Variants in ELOVL6 observed in about 807,000 individuals in gnomAD.
The protein encoded by ELOVL6 is ELOVL fatty acid elongase 6, also known as very long chain fatty acid elongase 6.
Under a neutral mutation model 31.7 loss-of-function variants are expected in ELOVL6, and 8 were observed. The ratio of observed to expected loss-of-function variants is 0.25; its 90% CI spans 0.15 to 0.45. The LOEUF (loss-of-function observed/expected upper bound fraction) is 0.45. ELOVL6 is among the 20% of genes least tolerant of loss of function. The pLI, the probability that ELOVL6 is intolerant of heterozygous loss-of-function variation, is 1.00. For synonymous variants in ELOVL6, 101 were observed against 117.7 expected (o/e 0.86, Z 0.92); for missense variants, 126 against 326.4 (o/e 0.39, Z 4.73).
Position 110,053,961 on chromosome 4 carries a change from A to T in ELOVL6, c.374-2199T>A, listed in dbSNP as rs1259268641. ...CTCAAAAAAAAAAAATTAGCTGGGCATTGTGGCAGGCACCTGTAATCCCAG... is the reference window on the plus strand; with the variant it reads ...CTCAAAAAAAAAAAATTAGCTGGGCTTTGTGGCAGGCACCTGTAATCCCAG... On this transcript the variant is annotated intron_variant, in intron 3 of 3. Transcript: ENST00000302274. Among the ~76,000 whole-genome samples, 6 of 151,328 alleles carry T rather than the reference A, an allele frequency of 4.0e-5. No individual in the cohort carries two copies. The East Asian group carries it at 1.2e-3, about 29-fold the overall frequency.
intron 1 of ELOVL6, among the ~76,000 whole-genome samples, chr4:110,111,031 C>A (rs1166132700): frequency 6.6e-6 from 1 of 152,064 alleles, no homozygotes; most frequent in Non-Finnish European, 1.5e-5. Flanking sequence ...TTTTTCTATC[C>A]TTGAAGTAGG....
At chr4:110,185,958 G>A (rs140189185) in intron 1 of ELOVL6, among the ~76,000 whole-genome samples, 506 of 152,220 alleles carry the variant, frequency 3.3e-3, no homozygotes, top group African/African-American at 0.011. Context: ...TTGGGAGGCC[G>A]AGGTGGGCGG....
intron 1 of ELOVL6, chr4:110,197,942 C>T: frequency 2.2e-6 from 1 of 446,516 alleles, no homozygotes; most frequent in South Asian, 2.5e-5. Flanking sequence ...ACTGTGGCAT[C>T]TCTCCCGCCT....
intron 1 of ELOVL6, among the ~76,000 whole-genome samples, chr4:110,171,909 C>T (rs923658236): frequency 5.3e-5 from 8 of 151,886 alleles, no homozygotes; most frequent in Admixed American, 4.6e-4. Flanking sequence ...AGGCTGGTCT[C>T]GAATTTCTGG....
intron 1 of ELOVL6, among the ~76,000 whole-genome samples, chr4:110,195,662 G>A (rs1759752054): frequency 6.6e-6 from 1 of 152,156 alleles, no homozygotes; most frequent in Non-Finnish European, 1.5e-5. Flanking sequence ...GAGAGCAGAA[G>A]CCAGGAAGGG....
chr4:110,163,982 T>C (rs924680947), intron 1 of ELOVL6, among the ~76,000 whole-genome samples: 27 of 152,290 alleles, frequency 1.8e-4, no homozygotes, highest in Admixed American at 5.2e-4. Context: ...GAATGTGTAA[T>C]GAGAAGTTCA....
At chr4:110,102,953 G>T (rs1031085324) in intron 2 of ELOVL6, among the ~76,000 whole-genome samples, 4 of 151,580 alleles carry the variant, frequency 2.6e-5, no homozygotes, top group Admixed American at 2.6e-4. Flanking sequence ...GGGTGGGGAG[G>T]GGCGGTAATC....
intron 1 of ELOVL6, among the ~76,000 whole-genome samples, chr4:110,124,720 AAAAG>A (rs1437225397): frequency 6.6e-6 from 1 of 152,192 alleles, no homozygotes; most frequent in Non-Finnish European, 1.5e-5. Context: ...AAAAAAAAAA[AAAAG>A]AATGTGTTTA....
chr4:110,125,021 T>G (rs962589585), intron 1 of ELOVL6, among the ~76,000 whole-genome samples: 2 of 152,202 alleles, frequency 1.3e-5, no homozygotes, highest in African/African-American at 4.8e-5. Context: ...TATAGAGAAG[T>G]AAAACCTAAT....
chr4:110,141,543 C>G (rs1258647969), intron 1 of ELOVL6, among the ~76,000 whole-genome samples: 1 of 151,792 alleles, frequency 6.6e-6, no homozygotes, highest in Non-Finnish European at 1.5e-5. Context: ...TAAGGCAGCA[C>G]TACAGATGAT....
At chr4:110,198,096 C>A in intron 1 of ELOVL6, 151 bp downstream of exon 1, 1 of 453,632 alleles carries the variant, frequency 2.2e-6, no homozygotes, top group Non-Finnish European at 4.2e-6. Context: ...CCAGCGTCTC[C>A]TGCACCCGGG....
At chr4:110,062,919 G>A (rs549918349) in intron 2 of ELOVL6, among the ~76,000 whole-genome samples, 25 of 152,092 alleles carry the variant, frequency 1.6e-4, no homozygotes, top group Non-Finnish European at 3.2e-4. Flanking sequence ...CAAATTCATC[G>A]TATGAATTTT....
intron 2 of ELOVL6, among the ~76,000 whole-genome samples, chr4:110,065,506 C>T (rs1318321617): frequency 6.6e-6 from 1 of 152,138 alleles, no homozygotes; most frequent in African/African-American, 2.4e-5. Context: ...CACCTGTAGT[C>T]CCAGCTATTT....
intron 1 of ELOVL6, among the ~76,000 whole-genome samples, chr4:110,177,665 A>G (rs1185395664): frequency 6.6e-6 from 1 of 152,076 alleles, no homozygotes; most frequent in Non-Finnish European, 1.5e-5. Context: ...CACATTATGA[A>G]TGGCAAAACG....
At chr4:110,091,230 C>G (rs1177536310) in intron 2 of ELOVL6, among the ~76,000 whole-genome samples, 2 of 152,146 alleles carry the variant, frequency 1.3e-5, no homozygotes, top group Non-Finnish European at 2.9e-5. Flanking sequence ...TTAGAACACA[C>G]CCCAGAGTGA....
chr4:110,090,719 C>T (rs1756402245), intron 2 of ELOVL6, among the ~76,000 whole-genome samples: 1 of 150,198 alleles, frequency 6.7e-6, no homozygotes, highest in Non-Finnish European at 1.5e-5. Context: ...ATTCCCCTGC[C>T]TCAGCCTCCC....
chr4:110,057,424 A>G (rs1755017648), intron 3 of ELOVL6, among the ~76,000 whole-genome samples: 1 of 152,128 alleles, frequency 6.6e-6, no homozygotes, highest in Admixed American at 6.6e-5. Flanking sequence ...CATTTACTAC[A>G]TTTATGTAGT....
chr4:110,107,913 A>G (rs1019293674), intron 1 of ELOVL6, among the ~76,000 whole-genome samples: 6 of 152,176 alleles, frequency 3.9e-5, no homozygotes, highest in Non-Finnish European at 8.8e-5. Context: ...TCTTTATTTC[A>G]TAAATAAACA....
At position 110,048,710 on chromosome 4, in the gene ELOVL6, TGTTTTA is replaced by T. The variant is rs977993430; in HGVS notation, c.*2622_*2627del. On this transcript the variant is annotated 3_prime_UTR_variant, in exon 4 of 4. Coordinates refer to ENST00000302274, the MANE Select transcript of ELOVL6 (RefSeq NM_024090.3). The stretch of plus-strand genomic sequence containing the variant: ...ACCAAAATTTTGTTTTGTTTTGTTT[TGTTTTA>T]AAAAAAATGTGGCTTTTTTCCTCCC... 2.0e-4 allele frequency: 19 copies of T among 94,806 alleles called. No individual in the cohort carries two copies. Among genetic ancestry groups the T allele is most frequent in the African/African-American group, 1.6e-3 (18 of 11,608 alleles). The allele number at this position is 94,806 out of a possible 1,614,324, so 5.9% of individuals were successfully genotyped here. A position where few individuals can be genotyped will look rare whatever the true frequency, so the allele number is the denominator to read the frequency against.
Sources: allele counts gnomAD v4.1 joint callset (sites outside exome capture counted in the v4.1 genomes callset), GRCh38; gene constraint gnomAD v4.1.1; transcripts MANE v1.5; gene names NCBI Gene and HGNC (gene_info 2026-07-23, HGNC 2026-07-21).